Variants in TRAF5 observed in about 807,000 individuals in gnomAD.
TRAF5 encodes the protein TNF receptor associated factor 5, also known as TNF receptor-associated factor 5.
TRAF5 carries 48 observed loss-of-function variants against 64.5 expected under a neutral mutation model. The ratio of observed to expected loss-of-function variants is 0.74; its 90% CI spans 0.59 to 0.95. The LOEUF (loss-of-function observed/expected upper bound fraction) is 0.95. Ranked by LOEUF, TRAF5 falls within the 40% of genes least tolerant of loss-of-function variation. The pLI is 0.00. For missense variants in TRAF5, 545 were observed against 662.8 expected (o/e 0.82, Z 1.95); for synonymous variants, 206 against 240.5 (o/e 0.86, Z 1.33).
intron 5 of TRAF5, 144 bp downstream of exon 5, chr1:211,360,220 G>T (rs1004233001): frequency 2.4e-6 from 2 of 838,440 alleles, no homozygotes; most frequent in Non-Finnish European, 1.8e-6. Context: ...TTTTTGGAGA[G>T]AAGTTCTGTG....
intron 4 of TRAF5, 78 bp from the exon 5 acceptor site, chr1:211,359,834 C>T: frequency 7.6e-6 from 12 of 1,577,404 alleles, no homozygotes; most frequent in Non-Finnish European, 1.0e-5. Context: ...TTCTCTCTCC[C>T]TCCCTAGGCC....
intron 1 of TRAF5, among the ~76,000 whole-genome samples, chr1:211,345,762 A>T (rs951090326): frequency 5.9e-5 from 9 of 152,186 alleles, no homozygotes; most frequent in South Asian, 2.1e-4. Context: ...GAGAGGGGCC[A>T]TCTGGTGTCA....
chr1:211,356,975 G>A (rs1702989905), intron 4 of TRAF5: 1 of 152,606 alleles, frequency 6.6e-6, no homozygotes, highest in Non-Finnish European at 1.5e-5. Context: ...ACAGGCTGTG[G>A]GTTAAAGGTG....
intron 4 of TRAF5, chr1:211,357,495 T>C (rs1703004466): frequency 6.6e-6 from 1 of 152,206 alleles, no homozygotes; most frequent in Non-Finnish European, 1.5e-5. Context: ...AAATGGACCA[T>C]TGAACAGCTT....
intron 10 of TRAF5, among the ~76,000 whole-genome samples, chr1:211,371,688 A>C (rs770581368): frequency 6.6e-6 from 1 of 152,226 alleles, no homozygotes; most frequent in Non-Finnish European, 1.5e-5. Flanking sequence ...AAATTCCAAG[A>C]CTGGAAACAG....
At chr1:211,331,234 T>C (rs1702148518) in intron 1 of TRAF5, among the ~76,000 whole-genome samples, 1 of 152,150 alleles carries the variant, frequency 6.6e-6, no homozygotes, top group Non-Finnish European at 1.5e-5. Flanking sequence ...ATTTTCCTTT[T>C]CATGCTGCTG....
At chr1:211,360,893 C>A (rs1462115810) in intron 6 of TRAF5, 114 bp downstream of exon 6, 1 of 1,026,830 alleles carries the variant, frequency 9.7e-7, no homozygotes, top group Non-Finnish European at 1.5e-6. Context: ...AAATTACACG[C>A]ATGACCATGA....
chr1:211,328,043 T>G (rs1280559318), intron 1 of TRAF5, among the ~76,000 whole-genome samples: 1 of 152,250 alleles, frequency 6.6e-6, no homozygotes, highest in Admixed American at 6.5e-5. Context: ...AGAAATTAGT[T>G]GAACCATTTC....
chr1:211,344,768 T>C (rs913148962), intron 1 of TRAF5, among the ~76,000 whole-genome samples: 1 of 152,114 alleles, frequency 6.6e-6, no homozygotes, highest in African/African-American at 2.4e-5. Flanking sequence ...CTTTTTTAAG[T>C]TAAGGTCTTT....
In TRAF5 at chr1:211,371,466, A is replaced by G. The variant is rs1703518905; in HGVS notation, c.1095A>G (p.Arg365=). The stretch of plus-strand genomic sequence containing the variant: ...CCCTGCTAGAAAACAATGATCAAAG[A>G]TTAGGTATGTCTGATATTTTATTTC... ...KITLLENNDQ[R]LAVLEEETNK... Residue 365 remains arginine (R), a synonymous_variant, in exon 10 of 11, where the codon AGA becomes AGG. Transcript: ENST00000261464. 1 of 1,607,328 alleles carries G rather than the reference A, an allele frequency of 6.2e-7. No individual in the cohort carries two copies. Among genetic ancestry groups the G allele is most frequent in the Admixed American group, 1.7e-5 (1 of 57,662 alleles).
intron 3 of TRAF5, among the ~76,000 whole-genome samples, 197 bp downstream of exon 3, chr1:211,354,664 C>T (rs555780432): frequency 2.1e-4 from 32 of 152,072 alleles, no homozygotes; most frequent in African/African-American, 6.3e-4. Context: ...TTGACCACAC[C>T]CCTCCTCCAC....
chr1:211,328,983 C>T (rs1046709975), intron 1 of TRAF5, among the ~76,000 whole-genome samples: 12 of 152,136 alleles, frequency 7.9e-5, no homozygotes, highest in Non-Finnish European at 1.3e-4. Context: ...GCTCCAGGCC[C>T]CTCACCCTGG....
upstream of TRAF5, chr1:211,326,636 G>A: frequency 1.0e-6 from 1 of 972,160 alleles, no homozygotes; most frequent in Non-Finnish European, 1.2e-6. The surrounding 1 kb of genome is among the most constrained non-coding windows in gnomAD (Gnocchi z 5.0). Context: ...AGGGAAATCA[G>A]ATGACTGGAC....
At chr1:211,356,671 A>G (rs1262349138) in intron 4 of TRAF5, 2 of 499,228 alleles carry the variant, frequency 4.0e-6, no homozygotes, top group Admixed American at 3.4e-5. Flanking sequence ...TTCGTCCTGT[A>G]TGGAGCGCAT....
intron 1 of TRAF5, among the ~76,000 whole-genome samples, chr1:211,334,150 G>A (rs1213501698): frequency 6.6e-6 from 1 of 152,210 alleles, no homozygotes; most frequent in Non-Finnish European, 1.5e-5. Context: ...AAGAGTCTTG[G>A]AAAAGACTCT....
At chr1:211,369,718 A>G in intron 9 of TRAF5, 126 bp downstream of exon 9, 1 of 1,106,358 alleles carries the variant, frequency 9.0e-7, no homozygotes, top group South Asian at 1.8e-5. Context: ...AAGATGGTGC[A>G]AAGAACACTT....
At position 211,353,440 on chromosome 1, in the gene TRAF5, C is replaced by A; in HGVS notation, c.201C>A (p.His67Gln). The A allele has an allele frequency of 6.2e-7, 1 of 1,613,436 alleles. No homozygotes were observed. The highest frequency in any genetic ancestry group is 8.5e-7 in the Non-Finnish European group (1 of 1,179,986). The part of the protein sequence containing the change: ...QTGCGHRFCQ[H>Q]CILSLRELNT... ...GATGTGGGCACCGCTTCTGCCAGCA[C>A]TGCATCCTGTCCCTGAGGTGAGTGG... The change falls in exon 2 of 11, where the codon CAC (histidine) becomes CAA (glutamine). Residue 67 changes from histidine (H) to glutamine (Q), a missense_variant. Transcript: ENST00000261464.
rs139358864 is a variant in TRAF5, at chr1:211,369,293, A to G, written c.790-159A>G. On this transcript the variant is annotated intron_variant, in intron 8 of 10. Transcript: ENST00000261464. ...TGGAACCACCTGTGAATATCTTCCT[A>G]TAATTATGTAGGAATCTACCCTGTA... 1.4e-4 allele frequency: 95 copies of G among 658,520 alleles called. No individual in the cohort carries two copies. In the East Asian group the frequency reaches 3.3e-3, roughly 23 times the overall value. 40.8% of individuals were successfully genotyped at this position (658,520 alleles called of 1,614,324 possible).
At chr1:211,326,794 G>A (rs1702024488), upstream of TRAF5, 1 of 984,192 alleles carries the variant, frequency 1.0e-6, no homozygotes, top group Non-Finnish European at 1.2e-6. This position sits in a 1 kb window ranked among gnomAD's most constrained non-coding sequence, Gnocchi z 5.0. Context: ...CCCCGCCCCA[G>A]GCCTCGCCTC....
Sources: allele counts gnomAD v4.1 joint callset (sites outside exome capture counted in the v4.1 genomes callset), GRCh38; gene constraint gnomAD v4.1.1; non-coding constraint Gnocchi (gnomAD v3.1); transcripts MANE v1.5; gene names NCBI Gene and HGNC (gene_info 2026-07-23, HGNC 2026-07-21).